KIAA1217: variants seen among roughly 807,000 people sequenced by gnomAD.
The protein encoded by KIAA1217 is KIAA1217.
A neutral mutation model predicts 163.9 loss-of-function variants in KIAA1217; 88 were observed. That is an observed-to-expected ratio of 0.54 (90% confidence interval 0.45 to 0.64). The LOEUF (loss-of-function observed/expected upper bound fraction) is 0.64. Ranked by LOEUF, KIAA1217 falls within the 30% of genes least tolerant of loss-of-function variation. The pLI is 0.00. For synonymous variants in KIAA1217, 903 were observed against 923.1 expected (o/e 0.98, Z 0.39); for missense variants, 2,372 against 2,475.0 (o/e 0.96, Z 0.88).
intron 2 of KIAA1217, among the ~76,000 whole-genome samples, chr10:24,358,961 A>G (rs1160043016): frequency 1.3e-5 from 2 of 151,976 alleles, no homozygotes; most frequent in Non-Finnish European, 2.9e-5. Flanking sequence ...AGACATATCC[A>G]TTGGCCACAT....
At chr10:23,919,902 G>GAC (rs1213366657) in intron 1 of KIAA1217, among the ~76,000 whole-genome samples, 3 of 152,102 alleles carry the variant, frequency 2.0e-5, no homozygotes, top group African/African-American at 7.2e-5. Flanking sequence ...CCTTCTCCAG[G>GAC]ACACAGTACT....
chr10:24,326,399 C>T (rs1347015529), intron 2 of KIAA1217, among the ~76,000 whole-genome samples: 1 of 151,856 alleles, frequency 6.6e-6, no homozygotes, highest in Non-Finnish European at 1.5e-5. Flanking sequence ...TTTTTAAAGT[C>T]GATGGCAAAA....
chr10:23,712,943 T>C (rs1344832826), intron 1 of KIAA1217, among the ~76,000 whole-genome samples: 2 of 152,154 alleles, frequency 1.3e-5, no homozygotes, highest in South Asian at 4.1e-4. Context: ...CTGGTATACC[T>C]GAAGCAGCCA....
At chr10:24,340,067 C>A (rs1227006975) in intron 2 of KIAA1217, among the ~76,000 whole-genome samples, 4 of 152,166 alleles carry the variant, frequency 2.6e-5, no homozygotes, top group African/African-American at 4.8e-5. Flanking sequence ...TCTAACCATC[C>A]AACTGGGACC....
chr10:24,410,801 A>C (rs1388544101), intron 3 of KIAA1217, among the ~76,000 whole-genome samples: 1 of 152,184 alleles, frequency 6.6e-6, no homozygotes, highest in East Asian at 1.9e-4. Context: ...TTGCCCTTGC[A>C]TTTTGTTTTT....
chr10:24,159,323 A>T (rs1165121447), intron 2 of KIAA1217, among the ~76,000 whole-genome samples: 1 of 152,210 alleles, frequency 6.6e-6, no homozygotes, highest in Non-Finnish European at 1.5e-5. Flanking sequence ...CAGTTTCTTC[A>T]TAATAAACAT....
At chr10:24,225,845 C>T (rs1333792859) in intron 2 of KIAA1217, among the ~76,000 whole-genome samples, 1 of 152,152 alleles carries the variant, frequency 6.6e-6, no homozygotes, top group Admixed American at 6.6e-5. Flanking sequence ...CTTGTCTTAC[C>T]ACCCATTTCT....
At position 24,473,515 on chromosome 10, in the gene KIAA1217, C is replaced by T. The variant is rs1230991061; in HGVS notation, c.1134C>T (p.Asp378=). Residue 378 remains aspartate (D), a synonymous_variant, in exon 6 of 21, where the codon GAC becomes GAT. Transcript: ENST00000376454. ...LERRDVKPDE[D]MSGKNIAMYR... ...GAAGAGATGTCAAGCCTGATGAAGACATGAGTGGCAAAAACATTGCAATGT... is the reference window on the plus strand; with the variant it reads ...GAAGAGATGTCAAGCCTGATGAAGATATGAGTGGCAAAAACATTGCAATGT... 1 of 1,614,138 alleles carries T rather than the reference C, an allele frequency of 6.2e-7. No homozygotes were observed. Among genetic ancestry groups the T allele is most frequent in the South Asian group, 1.1e-5 (1 of 91,078 alleles).
intron 1 of KIAA1217, among the ~76,000 whole-genome samples, chr10:23,874,508 T>A (rs1012110226): frequency 1.3e-5 from 2 of 152,048 alleles, no homozygotes; most frequent in African/African-American, 4.8e-5. Context: ...CACATGTAAC[T>A]TCTACCTATA....
chr10:24,055,267 A>G (rs1202367145), intron 2 of KIAA1217, among the ~76,000 whole-genome samples: 1 of 152,232 alleles, frequency 6.6e-6, no homozygotes, highest in Non-Finnish European at 1.5e-5. Flanking sequence ...ACCCTGTCTC[A>G]AAAAATAAAA....
chr10:24,325,418 C>T (rs922475592), intron 2 of KIAA1217, among the ~76,000 whole-genome samples: 1 of 149,336 alleles, frequency 6.7e-6, no homozygotes, highest in African/African-American at 2.5e-5. Context: ...GTGTATGGCC[C>T]CTGAGCGGGC....
chr10:23,877,795 G>C (rs1004654977), intron 1 of KIAA1217, among the ~76,000 whole-genome samples: 1 of 151,948 alleles, frequency 6.6e-6, no homozygotes, highest in Non-Finnish European at 1.5e-5. Context: ...GCTAGCATCT[G>C]TTTTGTCATA....
chr10:24,487,804 T>C (rs1341696246), intron 6 of KIAA1217, among the ~76,000 whole-genome samples: 3 of 152,186 alleles, frequency 2.0e-5, no homozygotes, highest in Non-Finnish European at 4.4e-5. Flanking sequence ...TCCTTGAAGA[T>C]TACCAGAAGG....
intron 10 of KIAA1217, among the ~76,000 whole-genome samples, chr10:24,515,851 C>T (rs1592581674): frequency 6.6e-6 from 1 of 152,254 alleles, no homozygotes; most frequent in East Asian, 1.9e-4. Context: ...GTGGGAGAAT[C>T]ACTTGGGACC....
intron 1 of KIAA1217, among the ~76,000 whole-genome samples, chr10:23,802,669 G>A (rs914610239): frequency 6.6e-6 from 1 of 152,190 alleles, no homozygotes; most frequent in African/African-American, 2.4e-5. Flanking sequence ...TACTGATCAA[G>A]TACAGAGAAG....
chr10:24,308,708 C>A (rs2042281051), intron 2 of KIAA1217, among the ~76,000 whole-genome samples: 1 of 152,172 alleles, frequency 6.6e-6, no homozygotes. Context: ...AGTAAGGCTC[C>A]AACATAAGTT....
intron 2 of KIAA1217, among the ~76,000 whole-genome samples, chr10:24,025,144 T>G (rs996777735): frequency 4.6e-5 from 7 of 151,922 alleles, no homozygotes; most frequent in African/African-American, 1.4e-4. Context: ...TTGAATCTTT[T>G]TAGGTCTTAC....
At position 24,530,550 on chromosome 10, in the gene KIAA1217, C is replaced by T. The variant is rs369238909; in HGVS notation, c.3083-1280C>T. ...AGTTTTAAATACCATTTGTATTTCC[C>T]CTTGTGTGAATTTTCTGACTACTTG... On this transcript the variant is annotated intron_variant, in intron 14 of 20. Transcript: ENST00000376454. Among the ~76,000 whole-genome samples, 6 of 152,122 alleles carry T rather than the reference C, an allele frequency of 3.9e-5. No homozygotes were observed. In the East Asian group the frequency reaches 7.7e-4, roughly 20 times the overall value.
chr10:24,451,104 T>C (rs575358661), intron 5 of KIAA1217, among the ~76,000 whole-genome samples: 1 of 152,308 alleles, frequency 6.6e-6, no homozygotes, highest in South Asian at 2.1e-4. Flanking sequence ...AGTGTAGAGA[T>C]AGAGAAAAGC....
Sources: gnomAD v4.1 joint callset for allele counts (sites outside exome capture counted in the v4.1 genomes callset) on GRCh38, gnomAD v4.1.1 for gene constraint, MANE v1.5 for transcripts, NCBI Gene and HGNC (gene_info 2026-07-23, HGNC 2026-07-21) for gene names.